Variants in LUZP2 observed in about 807,000 individuals in gnomAD.
The protein encoded by LUZP2 is leucine zipper protein 2.
LUZP2 carries 52 observed loss-of-function variants against 51.6 expected under a neutral mutation model. The observed-to-expected ratio is 1.01, with a 90% CI of 0.81 to 1.27. LUZP2 has a LOEUF of 1.27. LUZP2 is among the 50% of genes most tolerant of loss of function. The pLI is 0.00. For synonymous variants in LUZP2, 154 were observed against 137.3 expected (o/e 1.12, Z -0.85); for missense variants, 436 against 395.4 (o/e 1.10, Z -0.87).
intron 5 of LUZP2, among the ~76,000 whole-genome samples, chr11:24,900,395 G>A (rs968251936): frequency 1.3e-5 from 2 of 152,098 alleles, no homozygotes; most frequent in African/African-American, 4.8e-5. Context: ...TCACCTTGCA[G>A]TTCTTTTCTG....
chr11:24,668,553 T>C (rs10834420), intron 1 of LUZP2, among the ~76,000 whole-genome samples: 71,763 of 151,910 alleles, frequency 0.47, 17,377 homozygotes, highest in East Asian at 0.6. Flanking sequence ...ACTGAGCAAA[T>C]TGGGACCATG....
chr11:24,660,387 A>G (rs1485589562), intron 1 of LUZP2, among the ~76,000 whole-genome samples: 1 of 152,202 alleles, frequency 6.6e-6, no homozygotes, highest in Non-Finnish European at 1.5e-5. Flanking sequence ...CTATAATGTG[A>G]TGTGAAAATA....
At chr11:24,558,066 A>G (rs1851924260) in intron 1 of LUZP2, among the ~76,000 whole-genome samples, 1 of 152,148 alleles carries the variant, frequency 6.6e-6, no homozygotes, top group Non-Finnish European at 1.5e-5. Flanking sequence ...TCAAGAGAAC[A>G]AAAAAGCAGA....
At chr11:24,811,554 A>T (rs1254090345) in intron 5 of LUZP2, among the ~76,000 whole-genome samples, 1 of 151,776 alleles carries the variant, frequency 6.6e-6, no homozygotes, top group Admixed American at 6.6e-5. Context: ...TACATAGATA[A>T]ATTATGTGTT....
At chr11:25,057,828 T>A (rs1240187275) in intron 10 of LUZP2, among the ~76,000 whole-genome samples, 4 of 151,982 alleles carry the variant, frequency 2.6e-5, no homozygotes, top group Non-Finnish European at 5.9e-5. Flanking sequence ...CATAAAAATA[T>A]TGCCTAGGGA....
At chr11:24,730,252 G>A (rs1486712) in intron 2 of LUZP2, among the ~76,000 whole-genome samples, 102,595 of 151,574 alleles carry the variant, frequency 0.68, 35,881 homozygotes, top group African/African-American at 0.85. Flanking sequence ...CATGAAGACT[G>A]TTAGTCACAT....
At position 24,643,638 on chromosome 11, in the gene LUZP2, G is replaced by A. The variant is rs185604461; in HGVS notation, c.63-85531G>A. Among the ~76,000 whole-genome samples the A allele has an allele frequency of 2.0e-5, 3 of 152,238 alleles. No homozygotes were observed. The East Asian group carries it at 5.8e-4, about 29-fold the overall frequency. On this transcript the variant is annotated intron_variant, in intron 1 of 11. Coordinates refer to ENST00000336930, the MANE Select transcript of LUZP2 (RefSeq NM_001009909.4). ...AATTACAGTGATTAATCAATAATAAGTTGTGTTAAATTATCCCGAACAACC... is the reference window on the plus strand; with the variant it reads ...AATTACAGTGATTAATCAATAATAAATTGTGTTAAATTATCCCGAACAACC...
At chr11:24,716,476 C>T (rs1858047837) in intron 1 of LUZP2, among the ~76,000 whole-genome samples, 1 of 152,066 alleles carries the variant, frequency 6.6e-6, no homozygotes, top group Non-Finnish European at 1.5e-5. Context: ...GCAGGACAGA[C>T]ATCAAAGGAG....
chr11:24,637,881 T>A (rs1297865721), intron 1 of LUZP2, among the ~76,000 whole-genome samples: 3 of 151,902 alleles, frequency 2.0e-5, no homozygotes, highest in Non-Finnish European at 2.9e-5. Context: ...AAGCATGTGA[T>A]CCCTGTGACC....
chr11:25,021,031 G>T (rs1590844265), intron 9 of LUZP2, among the ~76,000 whole-genome samples: 1 of 152,034 alleles, frequency 6.6e-6, no homozygotes, highest in Non-Finnish European at 1.5e-5. Flanking sequence ...TCTACATTAA[G>T]ATTTTATATG....
rs189641008 is a variant in LUZP2, at chr11:24,732,337, T to C, written c.251+149T>C. 1.6e-4 allele frequency: 97 copies of C among 624,440 alleles called. No individual in the cohort carries two copies. The Admixed American group carries it at 2.5e-3, about 16-fold the overall frequency. The allele number at this position is 624,440 out of a possible 1,614,324, so 38.7% of individuals were successfully genotyped here. A position where few individuals can be genotyped will look rare whatever the true frequency, so the allele number is the denominator to read the frequency against. On this transcript the variant is annotated intron_variant, in intron 3 of 11. Coordinates refer to ENST00000336930, the MANE Select transcript of LUZP2 (RefSeq NM_001009909.4). The stretch of plus-strand genomic sequence containing the variant: ...GCATGCAATTCACTTGGGAATCTTG[T>C]TCAAATGCAGATTCTTACACAACTG...
intron 1 of LUZP2, among the ~76,000 whole-genome samples, chr11:24,552,198 C>A (rs919294262): frequency 6.6e-6 from 1 of 152,046 alleles, no homozygotes; most frequent in Non-Finnish European, 1.5e-5. Flanking sequence ...GCTAAACTTA[C>A]AAAAACTGTG....
At chr11:24,985,384 T>G (rs571592532) in intron 9 of LUZP2, among the ~76,000 whole-genome samples, 1 of 151,854 alleles carries the variant, frequency 6.6e-6, no homozygotes, top group East Asian at 1.9e-4. Flanking sequence ...TGATATTATA[T>G]ATTTGTTATG....
intron 1 of LUZP2, among the ~76,000 whole-genome samples, chr11:24,709,336 G>T (rs1857730920): frequency 6.6e-6 from 1 of 152,094 alleles, no homozygotes; most frequent in Non-Finnish European, 1.5e-5. Context: ...TTTAAATTGG[G>T]CCTACACATC....
chr11:24,621,321 G>A (rs10742046), intron 1 of LUZP2, among the ~76,000 whole-genome samples: 1 of 152,046 alleles, frequency 6.6e-6, no homozygotes, highest in Admixed American at 6.6e-5. Context: ...CCAATACTGC[G>A]TGTAGTTGAA....
chr11:25,061,366 A>G (rs931647046), intron 10 of LUZP2, among the ~76,000 whole-genome samples: 3 of 152,208 alleles, frequency 2.0e-5, no homozygotes, highest in Non-Finnish European at 4.4e-5. Context: ...GAAATCACAG[A>G]AACAAACAGG....
At chr11:24,579,370 T>C (rs1016016195) in intron 1 of LUZP2, among the ~76,000 whole-genome samples, 2 of 152,092 alleles carry the variant, frequency 1.3e-5, no homozygotes, top group Non-Finnish European at 2.9e-5. Flanking sequence ...ACACTATAGA[T>C]ATGAGACAGT....
chr11:24,683,401 A>T (rs1343883505), intron 1 of LUZP2, among the ~76,000 whole-genome samples: 2 of 152,204 alleles, frequency 1.3e-5, no homozygotes. Context: ...TGATTTCCTG[A>T]AACTCCTCTG....
chr11:25,007,548 G>A (rs552664543), intron 9 of LUZP2, among the ~76,000 whole-genome samples: 2 of 152,062 alleles, frequency 1.3e-5, no homozygotes, highest in East Asian at 1.9e-4. Flanking sequence ...GGTTGCAGTG[G>A]GCCGAGCTCA....
Sources: gnomAD v4.1 joint callset for allele counts (sites outside exome capture counted in the v4.1 genomes callset) on GRCh38, gnomAD v4.1.1 for gene constraint, MANE v1.5 for transcripts, NCBI Gene and HGNC (gene_info 2026-07-23, HGNC 2026-07-21) for gene names.